Variants in A2ML1 observed in about 807,000 individuals in gnomAD.
A2ML1 encodes the protein alpha-2-macroglobulin like 1.
Under a neutral mutation model 181.9 loss-of-function variants are expected in A2ML1, and 161 were observed. The ratio of observed to expected loss-of-function variants is 0.89; its 90% CI spans 0.78 to 1.01. A2ML1 has a LOEUF of 1.01. Among genes scored for constraint, A2ML1 ranks in the 50% least tolerant of loss-of-function variants. The pLI, the probability that A2ML1 is intolerant of heterozygous loss-of-function variation, is 0.00. For missense variants in A2ML1, 1,670 were observed against 1,768.1 expected (o/e 0.94, Z 1.00); for synonymous variants, 663 against 666.8 (o/e 0.99, Z 0.09).
intron 1 of A2ML1, among the ~76,000 whole-genome samples, chr12:8,822,975 T>C (rs989704564): frequency 2.6e-5 from 4 of 152,218 alleles, no homozygotes; most frequent in African/African-American, 9.6e-5. Flanking sequence ...TAGGCATGTG[T>C]GCTCGGTGAG....
At chr12:8,842,409 T>G (rs111859302) in intron 11 of A2ML1, among the ~76,000 whole-genome samples, 1 of 151,734 alleles carries the variant, frequency 6.6e-6, no homozygotes, top group Non-Finnish European at 1.5e-5. Context: ...TTAGTAGAGA[T>G]GGGGTTTCAC....
intron 16 of A2ML1, 31 bp downstream of exon 16, chr12:8,848,945 G>A (rs1456834703): frequency 1.3e-6 from 2 of 1,590,216 alleles, no homozygotes; most frequent in Admixed American, 3.5e-5. Flanking sequence ...TGTTCTTATG[G>A]GAAAGATGGT....
At chr12:8,823,039 T>C in intron 1 of A2ML1, 143 bp from the exon 2 acceptor site, 1 of 850,658 alleles carries the variant, frequency 1.2e-6, no homozygotes, top group South Asian at 1.7e-5. Context: ...GCCCCTCTGC[T>C]TCTTGTAGAA....
At chr12:8,869,409 A>T (rs1033898459) in intron 33 of A2ML1, among the ~76,000 whole-genome samples, 1 of 151,988 alleles carries the variant, frequency 6.6e-6, no homozygotes, top group Admixed American at 6.6e-5. Flanking sequence ...ACAGACCTAT[A>T]ATGTGAGCCG....
At chr12:8,837,345 G>T (rs1407077447) in intron 7 of A2ML1, 95 bp from the exon 8 acceptor site, 14 of 1,528,140 alleles carry the variant, frequency 9.2e-6, no homozygotes, top group East Asian at 4.8e-5. Context: ...TCTTTCAGAG[G>T]CTGGAGTGTG....
rs976201125 is a variant in A2ML1, at chr12:8,860,956, G to T, written c.3339+1G>T. 6.2e-7 allele frequency: 1 copy of T among 1,614,116 alleles called. No homozygotes were observed. The highest frequency in any genetic ancestry group is 8.5e-7 in the Non-Finnish European group (1 of 1,180,036). Reference sequence around the variant, plus strand: ...GCTGGAGATGGGAAAGGATGTAGATGTAAGTTCTCCTGGCTCCTGCTCTTG... The same window carrying T: ...GCTGGAGATGGGAAAGGATGTAGATTTAAGTTCTCCTGGCTCCTGCTCTTG... On this transcript the variant is annotated splice_donor_variant, in intron 27 of 35. Transcript: ENST00000299698. LOFTEE classifies it high-confidence loss of function.
rs775194819 is a variant in A2ML1, at chr12:8,863,868, G to C, written c.3577G>C (p.Asp1193His). ...CCCTTGGTCTGAGCCTGCGGCTGTA[G>C]ATGTGGAACTCACAGCATATGCATT... ...ASPWSEPAAVDVELTAYALLA... is the reference protein window; with the variant it reads ...ASPWSEPAAVHVELTAYALLA... Residue 1193 changes from aspartate to histidine, a missense_variant, in exon 29 of 36, where the codon GAT (aspartate) becomes CAT (histidine). Coordinates refer to ENST00000299698, the MANE Select transcript of A2ML1 (RefSeq NM_144670.6). 1.1e-5 allele frequency: 18 copies of C among 1,614,232 alleles called. No homozygotes were observed. In the African/African-American group the frequency reaches 2.1e-4, roughly 19 times the overall value.
At chr12:8,836,481 C>CCT in intron 7 of A2ML1, 142 bp downstream of exon 7, 1 of 389,928 alleles carries the variant, frequency 2.6e-6, no homozygotes, top group Admixed American at 4.5e-5. Context: ...TATCCAAGAC[C>CCT]TTTTTTTTTT....
intron 10 of A2ML1, 42 bp downstream of exon 10, chr12:8,839,264 A>C (rs754775903): frequency 6.8e-7 from 1 of 1,466,312 alleles, no homozygotes; most frequent in Non-Finnish European, 9.5e-7. Flanking sequence ...AAAATGCATA[A>C]CCATCTACTT....
At position 8,873,815 on chromosome 12, in the gene A2ML1, T is replaced by C. The variant is rs545992181; in HGVS notation, c.4222-610T>C. Among the ~76,000 whole-genome samples the C allele has an allele frequency of 2.0e-5, 3 of 152,070 alleles. No individual in the cohort carries two copies. In the South Asian group the frequency reaches 6.2e-4, roughly 32 times the overall value. ...AGTAAAATGCAAGCCTCTGTTTCTC[T>C]GGCCACTTTGACTAATTTAGTGGAG... On this transcript the variant is annotated intron_variant, in intron 33 of 35. Coordinates refer to ENST00000299698, the MANE Select transcript of A2ML1 (RefSeq NM_144670.6).
chr12:8,837,805 G>A lies in A2ML1; in HGVS notation c.855+239G>A, dbSNP rs112713007. Reference sequence around the variant, plus strand: ...TGAGACAGGAGAATCACTTGAACCCGGGAGGCGGAGGTTGCAATGAGCCGA... The same window carrying A: ...TGAGACAGGAGAATCACTTGAACCCAGGAGGCGGAGGTTGCAATGAGCCGA... On this transcript the variant is annotated intron_variant, in intron 8 of 35. Coordinates refer to ENST00000299698, the MANE Select transcript of A2ML1 (RefSeq NM_144670.6). Among the ~76,000 whole-genome samples the A allele has an allele frequency of 0.13, 19,328 of 150,986 alleles. 1,388 individuals carry two copies. The highest frequency in any genetic ancestry group is 0.17 in the Non-Finnish European group (11,238 of 67,800).
downstream of A2ML1, chr12:8,880,649 A>C (rs905653395): frequency 6.6e-6 from 1 of 152,018 alleles, no homozygotes; most frequent in Admixed American, 6.6e-5. Flanking sequence ...TGGGAGGGGG[A>C]GGAGGGGACA....
Position 8,857,205 on chromosome 12 carries a change from G to C in A2ML1, c.2890G>C (p.Val964Leu). 1.2e-6 allele frequency: 2 copies of C among 1,612,864 alleles called. No homozygotes were observed. The highest frequency in any genetic ancestry group is 1.7e-6 in the Non-Finnish European group (2 of 1,180,008). ...GTALQNLDGLVQMPSGCGEQN... is the reference protein window; with the variant it reads ...GTALQNLDGLLQMPSGCGEQN... The stretch of plus-strand genomic sequence containing the variant: ...AGCCCTGCAGAACCTGGATGGTCTG[G>C]TGCAGATGCCCAGTGGCTGTGGCGA... Residue 964 changes from valine to leucine, a missense_variant, in exon 24 of 36, where the codon GTG becomes CTG. By Grantham distance (32) the Val-to-Leu change is conservative. Transcript: ENST00000299698.
Position 8,823,163 on chromosome 12 carries a change from CCTT to C in A2ML1, c.63-16_63-14del, listed in dbSNP as rs770708682. 1 of 1,608,360 alleles carries C rather than the reference CCTT, an allele frequency of 6.2e-7. No homozygotes were observed. Among genetic ancestry groups the C allele is most frequent in the Non-Finnish European group, 8.5e-7 (1 of 1,177,426 alleles). The stretch of plus-strand genomic sequence containing the variant: ...GAATGAATCATTATTGCCCTGAAAT[CCTT>C]CTGCTCCTTTAATAGAAACTACCTG... On this transcript the variant is annotated splice_polypyrimidine_tract_variant and intron_variant, in intron 1 of 35. Transcript: ENST00000299698.
intron 4 of A2ML1, among the ~76,000 whole-genome samples, chr12:8,833,482 C>T (rs116301183): frequency 0.02 from 3,082 of 152,204 alleles, 106 homozygotes; most frequent in African/African-American, 0.068. Context: ...AAGCAACCTC[C>T]ACTGTCCGGG....
chr12:8,872,565 A>G (rs1944662694), intron 33 of A2ML1, among the ~76,000 whole-genome samples: 1 of 152,060 alleles, frequency 6.6e-6, no homozygotes, highest in Admixed American at 6.5e-5. Flanking sequence ...GTGGATCACG[A>G]GATCAGGAGT....
At chr12:8,850,341 T>C (rs1307465355) in intron 18 of A2ML1, 67 bp downstream of exon 18, 3 of 1,263,758 alleles carry the variant, frequency 2.4e-6, no homozygotes, top group Non-Finnish European at 3.3e-6. Context: ...TCCCAACACT[T>C]TGGGAGGCTT....
At chr12:8,881,754 G>A (rs1052100744), downstream of A2ML1, among the ~76,000 whole-genome samples, 1 of 152,152 alleles carries the variant, frequency 6.6e-6, no homozygotes, top group Non-Finnish European at 1.5e-5. Flanking sequence ...GCTCACACCT[G>A]TAATCACAGC....
intron 14 of A2ML1, among the ~76,000 whole-genome samples, chr12:8,847,090 A>G (rs1423486583): frequency 7.3e-6 from 1 of 137,916 alleles, no homozygotes; most frequent in Non-Finnish European, 1.5e-5. Flanking sequence ...ATGCACCACC[A>G]TGCCTGGCTT....
Sources: allele counts gnomAD v4.1 joint callset (sites outside exome capture counted in the v4.1 genomes callset), GRCh38; gene constraint gnomAD v4.1.1; transcripts MANE v1.5; gene names NCBI Gene and HGNC (gene_info 2026-07-23, HGNC 2026-07-21).